Variants in NR6A1 observed in about 807,000 individuals in gnomAD.
The protein encoded by NR6A1 is retinoic acid receptor-related testis-associated receptor.
A neutral mutation model predicts 59.1 loss-of-function variants in NR6A1; 7 were observed. The observed-to-expected ratio is 0.12, with a 90% CI of 0.07 to 0.22. The LOEUF (loss-of-function observed/expected upper bound fraction) is 0.22. NR6A1 is among the 10% of genes least tolerant of loss of function. The pLI is 1.00. For missense variants in NR6A1, 468 were observed against 611.6 expected, an observed-to-expected ratio of 0.77 and a Z score of 2.48; for synonymous variants, 243 against 236.1, an observed-to-expected ratio of 1.03 and a Z score of -0.27.
At chr9:124,721,509 C>T (rs1469220235) in intron 2 of NR6A1, among the ~76,000 whole-genome samples, 8 of 152,108 alleles carry the variant, frequency 5.3e-5, no homozygotes, top group African/African-American at 1.9e-4. Context: ...AAATCACTAA[C>T]AGTGTTGCAG....
chr9:124,547,278 A>G (rs1191178887), intron 3 of NR6A1, among the ~76,000 whole-genome samples: 1 of 151,854 alleles, frequency 6.6e-6, no homozygotes, highest in Non-Finnish European at 1.5e-5. Context: ...ATAAATAACA[A>G]AGCTAACTAC....
At chr9:124,720,754 T>G (rs1420731004) in intron 2 of NR6A1, among the ~76,000 whole-genome samples, 1 of 152,160 alleles carries the variant, frequency 6.6e-6, no homozygotes, top group Non-Finnish European at 1.5e-5. Flanking sequence ...AGCCTCAGCA[T>G]GCTAAGAATA....
intron 1 of NR6A1, among the ~76,000 whole-genome samples, chr9:124,742,708 C>T (rs1361486674): frequency 6.6e-6 from 1 of 152,018 alleles, no homozygotes; most frequent in African/African-American, 2.4e-5. Flanking sequence ...AACCCCGTCT[C>T]TAGTAAAAAC....
chr9:124,726,275 T>A (rs1839715518), intron 2 of NR6A1, among the ~76,000 whole-genome samples: 1 of 152,204 alleles, frequency 6.6e-6, no homozygotes, highest in Non-Finnish European at 1.5e-5. Context: ...TAAAATCCTT[T>A]GAAAAAGCCA....
chr9:124,746,164 A>G (rs1443563532), intron 1 of NR6A1, among the ~76,000 whole-genome samples: 1 of 152,214 alleles, frequency 6.6e-6, no homozygotes, highest in African/African-American at 2.4e-5. Flanking sequence ...CTAGTCATGA[A>G]TGCTTAAAGC....
chr9:124,608,753 C>T (rs1033075633), intron 2 of NR6A1, among the ~76,000 whole-genome samples: 3 of 152,174 alleles, frequency 2.0e-5, no homozygotes, highest in African/African-American at 7.2e-5. Flanking sequence ...AACTGACATT[C>T]CCACCAACAG....
intron 2 of NR6A1, among the ~76,000 whole-genome samples, chr9:124,659,766 G>T (rs1209732157): frequency 6.6e-6 from 1 of 152,132 alleles, no homozygotes; most frequent in African/African-American, 2.4e-5. Flanking sequence ...CAGGTATACA[G>T]GAGAAAGATA....
At position 124,612,603 on chromosome 9, in the gene NR6A1, T is replaced by G. The variant is rs181558693; in HGVS notation, c.143-58033A>C. On this transcript the variant is annotated intron_variant, in intron 2 of 9. Transcript: ENST00000487099. Reference sequence around the variant, plus strand: ...GAACCTCATAGATACTCCCCTCTTCTCAGTTACTTAACTGGGTTAGCAGAT... The same window carrying G: ...GAACCTCATAGATACTCCCCTCTTCGCAGTTACTTAACTGGGTTAGCAGAT... Among the ~76,000 whole-genome samples the G allele has an allele frequency of 2.2e-3, 338 of 152,310 alleles. 2 individuals are homozygous for G. Among genetic ancestry groups the G allele is most frequent in the African/African-American group, 8.0e-3 (331 of 41,570 alleles).
intron 5 of NR6A1, among the ~76,000 whole-genome samples, chr9:124,539,076 A>G (rs1252534337): frequency 6.6e-6 from 1 of 151,996 alleles, no homozygotes; most frequent in East Asian, 1.9e-4. Context: ...ATTAACAACG[A>G]CAACAACAAA....
At chr9:124,709,883 T>G (rs1839227966) in intron 2 of NR6A1, among the ~76,000 whole-genome samples, 2 of 151,510 alleles carry the variant, frequency 1.3e-5, no homozygotes, top group Non-Finnish European at 2.9e-5. Flanking sequence ...GAGGCAGAGG[T>G]TGCAGTGAGC....
At chr9:124,574,029 A>ATGTACTGACACTGGAATATT (rs1240693690) in intron 2 of NR6A1, among the ~76,000 whole-genome samples, 4 of 152,224 alleles carry the variant, frequency 2.6e-5, no homozygotes, top group Non-Finnish European at 5.9e-5. Context: ...ATATGTAAAT[A>ATGTACTGACACTGGAATATT]TGTACTGACA....
At chr9:124,762,955 T>G (rs1006422564) in intron 1 of NR6A1, among the ~76,000 whole-genome samples, 2 of 152,266 alleles carry the variant, frequency 1.3e-5, no homozygotes, top group African/African-American at 4.8e-5. Flanking sequence ...ACTGTCAGTT[T>G]TCCTTGATAT....
At chr9:124,580,736 C>T (rs1420980817) in intron 2 of NR6A1, among the ~76,000 whole-genome samples, 2 of 152,110 alleles carry the variant, frequency 1.3e-5, no homozygotes, top group African/African-American at 4.8e-5. Flanking sequence ...AGGAGAATCG[C>T]TTGAACCCAG....
chr9:124,531,090 C>G (rs1317555793), intron 7 of NR6A1, among the ~76,000 whole-genome samples: 1 of 152,262 alleles, frequency 6.6e-6, no homozygotes, highest in East Asian at 1.9e-4. Flanking sequence ...ATCATCATCT[C>G]TCTCCCATTA....
intron 2 of NR6A1, among the ~76,000 whole-genome samples, chr9:124,655,724 G>C (rs10760370): frequency 0.54 from 82,454 of 151,996 alleles, 22,668 homozygotes; most frequent in Admixed American, 0.62. Flanking sequence ...TGATGTTAGG[G>C]ACTAGCTGGT....
At chr9:124,755,430 A>G (rs1840606799) in intron 1 of NR6A1, among the ~76,000 whole-genome samples, 1 of 152,214 alleles carries the variant, frequency 6.6e-6, no homozygotes, top group Non-Finnish European at 1.5e-5. Context: ...CATTAAATAA[A>G]TGTAAAAACT....
chr9:124,684,443 T>C (rs1413162477), intron 2 of NR6A1, among the ~76,000 whole-genome samples: 1 of 152,160 alleles, frequency 6.6e-6, no homozygotes, highest in Non-Finnish European at 1.5e-5. Context: ...GCCTGTCAAC[T>C]CAGGAAAGGC....
chr9:124,553,170 CTGTT>C (rs1056812471), intron 3 of NR6A1, among the ~76,000 whole-genome samples: 3 of 152,196 alleles, frequency 2.0e-5, no homozygotes, highest in African/African-American at 7.2e-5. Flanking sequence ...AAAAGCTAGT[CTGTT>C]TGCCTCTAGA....
intron 2 of NR6A1, among the ~76,000 whole-genome samples, chr9:124,700,146 A>G (rs1228787052): frequency 6.6e-6 from 1 of 151,930 alleles, no homozygotes; most frequent in Non-Finnish European, 1.5e-5. Context: ...CACCACGCCC[A>G]GCCTCTGGAC....
Sources: gnomAD v4.1 joint callset for allele counts (sites outside exome capture counted in the v4.1 genomes callset) on GRCh38, gnomAD v4.1.1 for gene constraint, MANE v1.5 for transcripts, NCBI Gene and HGNC (gene_info 2026-07-23, HGNC 2026-07-21) for gene names.